RNF44: variants seen among roughly 807,000 people sequenced by gnomAD.
RNF44 encodes the protein ring finger protein 44.
In RNF44, 25 loss-of-function variants were observed where a neutral mutation model predicts 53.6. That is an observed-to-expected ratio of 0.47 (90% CI 0.34 to 0.65). The LOEUF is 0.65. Ranked by LOEUF, RNF44 falls within the 30% of genes least tolerant of loss-of-function variation. The pLI is 0.01. For synonymous variants in RNF44, 282 were observed against 252.2 expected, an observed-to-expected ratio of 1.12 and a Z score of -1.12; for missense variants, 581 against 595.5, an observed-to-expected ratio of 0.98 and a Z score of 0.25.
intron 1 of RNF44, among the ~76,000 whole-genome samples, chr5:176,535,144 C>T (rs547160922): frequency 5.9e-5 from 9 of 152,310 alleles, no homozygotes; most frequent in African/African-American, 7.2e-5. Flanking sequence ...TGACTTCTAG[C>T]GAGATTCTTG....
Position 176,529,806 on chromosome 5 carries a change from T to G in RNF44, c.939A>C (p.Pro313=). ...TGGGCCCCATTGCTGTTGGTGACAT[T>G]GGCAGCATCGAGCTAGAGAGAGACA... The part of the protein sequence containing the change: ...SFLPYFLSML[P]MSPTAMGPTI... The change falls in exon 8 of 11, where the codon CCA becomes CCC. Residue 313 remains proline (P), a synonymous_variant. Coordinates refer to ENST00000274811, the MANE Select transcript of RNF44 (RefSeq NM_014901.5). 1 of 1,605,642 alleles carries G rather than the reference T, an allele frequency of 6.2e-7. No individual in the cohort carries two copies. The highest frequency in any genetic ancestry group is 8.5e-7 in the Non-Finnish European group (1 of 1,175,882).
chr5:176,541,465 G>C (rs543472996), upstream of RNF44, among the ~76,000 whole-genome samples: 6 of 152,338 alleles, frequency 3.9e-5, no homozygotes, highest in Admixed American at 3.3e-4. Context: ...CCAGGGAAAG[G>C]GGAGAACACA....
chr5:176,536,402 G>A (rs954796391), intron 1 of RNF44: 1 of 152,394 alleles, frequency 6.6e-6, no homozygotes, highest in Non-Finnish European at 1.5e-5. Flanking sequence ...CCAGGGTCCT[G>A]GGGAAGGGGG....
chr5:176,530,111 G>GGGTGGT lies in RNF44; in HGVS notation c.891_896dup (p.Pro298_Pro299dup). 5 of 1,298,162 alleles carry GGGTGGT rather than the reference G, an allele frequency of 3.9e-6. No homozygotes were observed. The highest frequency in any genetic ancestry group is 4.9e-6 in the Non-Finnish European group (5 of 1,016,784). The allele number at this position is 1,298,162 out of a possible 1,614,324, so 80.4% of individuals were successfully genotyped here. ...AGTAGGGCAGGAAGCTGGGGTAGTA[G>GGGTGGT]GGTGGTGGGGGTGGGGGTGGGGGCG... On this transcript the variant is annotated inframe_insertion, in exon 7 of 11. Transcript: ENST00000274811.
rs992008708 is a variant in RNF44 at position 176,527,553 on chromosome 5, T to A, written c.*1475A>T. 6.6e-6 allele frequency: 1 copy of A among 151,948 alleles called. No homozygotes were observed. The highest frequency in any genetic ancestry group is 2.1e-4 in the South Asian group (1 of 4,794). 9.4% of individuals were successfully genotyped at this position (151,948 alleles called of 1,614,324 possible). A position where few individuals can be genotyped will look rare whatever the true frequency, so the allele number is the denominator to read the frequency against. On this transcript the variant is annotated 3_prime_UTR_variant, in exon 11 of 11. Coordinates refer to ENST00000274811, the MANE Select transcript of RNF44 (RefSeq NM_014901.5). ...ATACAGTAAGACTTTGGGTTCTCCA[T>A]GGGGGTGGGACCAGGCTGACGGGCC...
Position 176,530,762 on chromosome 5 carries a change from G to C in RNF44, c.640-19C>G. 3.3e-6 allele frequency: 5 copies of C among 1,516,194 alleles called. No homozygotes were observed. Among genetic ancestry groups the C allele is most frequent in the Non-Finnish European group, 3.5e-6 (4 of 1,135,674 alleles). The allele number at this position is 1,516,194 out of a possible 1,614,324, so 93.9% of individuals were successfully genotyped here. A position where few individuals can be genotyped will look rare whatever the true frequency, so the allele number is the denominator to read the frequency against. On this transcript the variant is annotated intron_variant, in intron 5 of 10. Coordinates refer to ENST00000274811, the MANE Select transcript of RNF44 (RefSeq NM_014901.5). ...GGAGGGGCTGGAAGAACCAGCGCCG[G>C]GTCAGCAAGTCAGTGAGACGAGGCT...
rs1476930610 is a variant in RNF44 at position 176,530,915 on chromosome 5, G to T, written c.572C>A (p.Pro191His). 27 of 1,310,558 alleles carry T rather than the reference G, an allele frequency of 2.1e-5. No individual in the cohort carries two copies. Among genetic ancestry groups the T allele is most frequent in the Non-Finnish European group, 2.7e-5 (27 of 982,076 alleles). The allele number at this position is 1,310,558 out of a possible 1,614,324, so 81.2% of individuals were successfully genotyped here. A position where few individuals can be genotyped will look rare whatever the true frequency, so the allele number is the denominator to read the frequency against. The change falls in exon 5 of 11, where the codon CCC becomes CAC. Residue 191 changes from proline to histidine, a missense_variant. Physicochemically the swap from Pro to His is moderately conservative, Grantham distance 77. Transcript: ENST00000274811. ...GGGCGCCATGTGGGTGGGCTGGGGG[G>T]GTGGGGCCGGTGGTGGGGGGTGCAG... ...YILHPPPPAP[P>H]PQPTHMAPLG...
Position 176,531,369 on chromosome 5 carries a change from C to T in RNF44, c.465+94G>A. The T allele has an allele frequency of 7.9e-7, 1 of 1,271,052 alleles. No homozygotes were observed. The highest frequency in any genetic ancestry group is 1.1e-6 in the Non-Finnish European group (1 of 932,628). 78.7% of individuals were successfully genotyped at this position (1,271,052 alleles called of 1,614,324 possible). On this transcript the variant is annotated intron_variant, in intron 4 of 10. Coordinates refer to ENST00000274811, the MANE Select transcript of RNF44 (RefSeq NM_014901.5). This position sits in a 1 kb window ranked among gnomAD's most constrained non-coding sequence, Gnocchi z 4.2. Reference sequence around the variant, plus strand: ...TGACAGCCTGGATGGCTGGATAGCTCAGCCCAGTTCAGGGCTGCCCTGGGC... The same window carrying T: ...TGACAGCCTGGATGGCTGGATAGCTTAGCCCAGTTCAGGGCTGCCCTGGGC...
rs1756123588 is a variant in RNF44, at chr5:176,527,431, T to C, written c.*1597A>G. On this transcript the variant is annotated 3_prime_UTR_variant, in exon 11 of 11. Coordinates refer to ENST00000274811, the MANE Select transcript of RNF44 (RefSeq NM_014901.5). ...CTGTAAGGGGTTTGAAAACGTTTTG[T>C]TGGGGTCGGGAAGGGAGGGGTTGGA... The C allele has an allele frequency of 6.6e-6, 1 of 152,572 alleles. No individual in the cohort carries two copies. The highest frequency in any genetic ancestry group is 2.4e-5 in the African/African-American group (1 of 41,422). 9.5% of individuals were successfully genotyped at this position (152,572 alleles called of 1,614,324 possible).
chr5:176,532,739 T>A (rs1581105650), intron 1 of RNF44, among the ~76,000 whole-genome samples: 1 of 27,390 alleles, frequency 3.7e-5, no homozygotes, highest in African/African-American at 1.2e-4. Flanking sequence ...AGAGCGAGAC[T>A]CCCGTCTCAA....
chr5:176,539,012 A>G (rs1188181910), upstream of RNF44, among the ~76,000 whole-genome samples: 2 of 152,212 alleles, frequency 1.3e-5, no homozygotes, highest in Non-Finnish European at 2.9e-5. Context: ...TATTATAAAG[A>G]CTATGTCTTA....
At chr5:176,538,533 G>A (rs577901762), upstream of RNF44, among the ~76,000 whole-genome samples, 2 of 152,248 alleles carry the variant, frequency 1.3e-5, no homozygotes, top group Admixed American at 1.3e-4. Context: ...GCTGGAACAG[G>A]TCGAATAATG....
At position 176,532,483 on chromosome 5, in the gene RNF44, G is replaced by A; in HGVS notation, c.-11C>T. ...AGCCCATGGTCGCATCGGGGGGGCA[G>A]GGGGGTGGAGGGGCTGGGCCGGGAC... On this transcript the variant is annotated 5_prime_UTR_variant, in exon 2 of 11. Transcript: ENST00000274811. 6.4e-7 allele frequency: 1 copy of A among 1,557,950 alleles called. No homozygotes were observed.
At chr5:176,529,435 G>A (rs1756348743) in intron 9 of RNF44, 48 bp from the exon 10 acceptor site, 1 of 1,602,948 alleles carries the variant, frequency 6.2e-7, no homozygotes, top group Admixed American at 1.7e-5. Flanking sequence ...GCCATGGGAA[G>A]GCTCAGTGGA....
At position 176,531,018 on chromosome 5, in the gene RNF44, T is replaced by G; in HGVS notation, c.469A>C (p.Ile157Leu). ...YPLCCLPPPLIQACTMQQLPV... is the reference protein window; with the variant it reads ...YPLCCLPPPLLQACTMQQLPV... Reference sequence around the variant, plus strand: ...AGCTGCTGCATGGTGCACGCCTGGATAAGCTGCCAAGAGAGGGGGCAGGGG... The same window carrying G: ...AGCTGCTGCATGGTGCACGCCTGGAGAAGCTGCCAAGAGAGGGGGCAGGGG... The change falls in exon 5 of 11, where the codon ATC (isoleucine) becomes CTC (leucine). Residue 157 changes from isoleucine to leucine, a missense_variant. This residue lies in a region of RNF44 where 387 missense variants were observed against 366.0 expected (regional missense o/e 1.06). Coordinates refer to ENST00000274811, the MANE Select transcript of RNF44 (RefSeq NM_014901.5). This position sits in a 1 kb window ranked among gnomAD's most constrained non-coding sequence, Gnocchi z 4.2. 7.0e-7 allele frequency: 1 copy of G among 1,435,962 alleles called. No homozygotes were observed. The highest frequency in any genetic ancestry group is 9.1e-7 in the Non-Finnish European group (1 of 1,095,800). 89.0% of individuals were successfully genotyped at this position (1,435,962 alleles called of 1,614,324 possible).
chr5:176,530,036 G>A, intron 7 of RNF44, 46 bp downstream of exon 7: 2 of 1,411,142 alleles, frequency 1.4e-6, no homozygotes, highest in Non-Finnish European at 1.9e-6. Context: ...GGAGGTTCCA[G>A]GAGAACAGGG....
In RNF44 at chr5:176,537,000, C is replaced by T. The variant is rs1435080011; in HGVS notation, c.-105G>A. ...CCCGATCTAGGACGGCCAAACTGGG[C>T]AGGGGGCGGGGGAGGGGGGGGGTGC... On this transcript the variant is annotated 5_prime_UTR_variant, in exon 1 of 11. Transcript: ENST00000274811. The T allele has an allele frequency of 2.7e-4, 11 of 41,004 alleles. No homozygotes were observed. The highest frequency in any genetic ancestry group is 4.9e-4 in the Non-Finnish European group (9 of 18,374). 2.5% of individuals were successfully genotyped at this position (41,004 alleles called of 1,614,324 possible). A position where few individuals can be genotyped will look rare whatever the true frequency, so the allele number is the denominator to read the frequency against.
chr5:176,533,443 C>T (rs973310495), intron 1 of RNF44, among the ~76,000 whole-genome samples: 4 of 152,182 alleles, frequency 2.6e-5, no homozygotes, highest in Non-Finnish European at 5.9e-5. Flanking sequence ...AAAGCCCCAC[C>T]GTAAAGTGTT....
intron 1 of RNF44, chr5:176,536,106 A>C (rs1025458394): frequency 1.3e-5 from 2 of 152,220 alleles, no homozygotes; most frequent in African/African-American, 4.8e-5. Flanking sequence ...AGCCAGGAAG[A>C]GAAGCCCCCC....
Sources: gnomAD v4.1 joint callset for allele counts (sites outside exome capture counted in the v4.1 genomes callset) on GRCh38, gnomAD v4.1.1 for gene constraint, gnomAD v4.1.1 regional missense constraint, Gnocchi (gnomAD v3.1) non-coding constraint, MANE v1.5 for transcripts, NCBI Gene and HGNC (gene_info 2026-07-23, HGNC 2026-07-21) for gene names.